PHF21B: variants seen among roughly 807,000 people sequenced by gnomAD.
PHF21B encodes PHD finger protein 4.
PHF21B carries 22 observed loss-of-function variants against 62.2 expected under a neutral mutation model. The ratio of observed to expected loss-of-function variants is 0.35; its 90% CI spans 0.25 to 0.51. The LOEUF is 0.51. Ranked by LOEUF, PHF21B falls within the 20% of genes least tolerant of loss-of-function variation. PHF21B has a pLI of 0.97. For synonymous variants in PHF21B, 341 were observed against 314.7 expected, an observed-to-expected ratio of 1.08 and a Z score of -0.88; for missense variants, 701 against 707.9, an observed-to-expected ratio of 0.99 and a Z score of 0.11.
In PHF21B at chr22:44,885,530, C is replaced by A. The variant is rs764162771; in HGVS notation, c.1274-1G>T. On this transcript the variant is annotated splice_acceptor_variant, in intron 11 of 12. Coordinates refer to ENST00000313237, the MANE Select transcript of PHF21B (RefSeq NM_138415.5). LOFTEE classifies it high-confidence loss of function. Reference sequence around the variant, plus strand: ...AGCTTCTGCTTCTCCTCTTCTTTGACTAGAAAAGAGAAGGCCAGGTCCCTG... The same window carrying A: ...AGCTTCTGCTTCTCCTCTTCTTTGAATAGAAAAGAGAAGGCCAGGTCCCTG... The A allele has an allele frequency of 1.3e-6, 2 of 1,588,570 alleles. No individual in the cohort carries two copies. Among genetic ancestry groups the A allele is most frequent in the Admixed American group, 3.6e-5 (2 of 56,024 alleles).
chr22:44,994,558 C>T (rs1388974488), intron 2 of PHF21B, among the ~76,000 whole-genome samples: 3 of 152,226 alleles, frequency 2.0e-5, no homozygotes, highest in African/African-American at 4.8e-5. Flanking sequence ...TGCTATTTTA[C>T]GCTGCCCAGC....
intron 6 of PHF21B, among the ~76,000 whole-genome samples, chr22:44,893,823 T>C (rs1036546096): frequency 1.3e-5 from 2 of 152,210 alleles, no homozygotes; most frequent in African/African-American, 4.8e-5. Flanking sequence ...TTTGTGTCCC[T>C]ATCTGGCCCA....
At chr22:44,889,672 T>A in intron 9 of PHF21B, 88 bp downstream of exon 9, 2 of 1,476,048 alleles carry the variant, frequency 1.4e-6, no homozygotes, top group South Asian at 2.7e-5. Flanking sequence ...CCGGGCTCTT[T>A]CCCTCTTTCC....
At chr22:44,952,029 C>T (rs1040600584) in intron 2 of PHF21B, among the ~76,000 whole-genome samples, 4 of 152,288 alleles carry the variant, frequency 2.6e-5, no homozygotes, top group Admixed American at 6.5e-5. Context: ...GTGCTCACTG[C>T]GTGTTATGTA....
chr22:44,999,944 C>T (rs1226227197), intron 2 of PHF21B, among the ~76,000 whole-genome samples: 1 of 152,168 alleles, frequency 6.6e-6, no homozygotes, highest in Non-Finnish European at 1.5e-5. Context: ...TAATGCACCA[C>T]TCACTAATCC....
chr22:45,000,777 C>T (rs1413304115), intron 2 of PHF21B: 1 of 152,128 alleles, frequency 6.6e-6, no homozygotes, highest in Non-Finnish European at 1.5e-5. Flanking sequence ...CCAGCGGGGA[C>T]AAGCAACAAG....
At chr22:44,900,316 A>T (rs534537817) in intron 5 of PHF21B, among the ~76,000 whole-genome samples, 1 of 152,260 alleles carries the variant, frequency 6.6e-6, no homozygotes, top group African/African-American at 2.4e-5. Context: ...TGAGCTCTCC[A>T]AAGATTTACA....
intron 5 of PHF21B, among the ~76,000 whole-genome samples, chr22:44,896,880 G>GTTTTTTTTTTTT (rs56878868): frequency 0.017 from 1,459 of 83,768 alleles, 169 homozygotes; most frequent in African/African-American, 0.034. Context: ...AGTTTTATCT[G>GTTTTTTTTTTTT]TTTTTTTTTT....
chr22:44,935,768 C>T (rs2071833982), intron 2 of PHF21B, among the ~76,000 whole-genome samples: 1 of 152,356 alleles, frequency 6.6e-6, no homozygotes, highest in South Asian at 2.1e-4. Context: ...CCTCAGTTTC[C>T]TCATCTGTAA....
chr22:44,907,439 G>C (rs1165520637), intron 5 of PHF21B, among the ~76,000 whole-genome samples: 1 of 152,224 alleles, frequency 6.6e-6, no homozygotes, highest in African/African-American at 2.4e-5. Context: ...GAACAGGCCA[G>C]CCGTGTTCAG....
At chr22:44,898,259 T>A (rs958508541) in intron 5 of PHF21B, among the ~76,000 whole-genome samples, 6 of 152,182 alleles carry the variant, frequency 3.9e-5, no homozygotes, top group African/African-American at 1.4e-4. Flanking sequence ...CCACCCTCAA[T>A]TGGGATTTGT....
rs2071386364 is a variant in PHF21B at position 44,913,834 on chromosome 22, C to T, written c.819G>A (p.Gln273=). The T allele has an allele frequency of 3.1e-6, 5 of 1,613,410 alleles. No individual in the cohort carries two copies. In the East Asian group the frequency reaches 1.1e-4, roughly 36 times the overall value. The part of the protein sequence containing the change: ...KKKKEDRPPT[Q]ENPEKIAFMV... ...AGGCCTGTCCTACCTCGGGGTTCTCCTGGGTCGGGGGCCGGTCTTCCTTCT... is the reference window on the plus strand; with the variant it reads ...AGGCCTGTCCTACCTCGGGGTTCTCTTGGGTCGGGGGCCGGTCTTCCTTCT... Residue 273 remains glutamine (Q), a synonymous_variant, in exon 5 of 13, where the codon CAG becomes CAA. Transcript: ENST00000313237.
rs2070737127 is a variant in PHF21B at position 44,881,224 on chromosome 22, GACAA to G, written c.*1858_*1861del. 6.6e-6 allele frequency: 1 copy of G among 152,642 alleles called. No individual in the cohort carries two copies. Among genetic ancestry groups the G allele is most frequent in the African/African-American group, 2.4e-5 (1 of 41,444 alleles). The allele number at this position is 152,642 out of a possible 1,614,324, so 9.5% of individuals were successfully genotyped here. ...AGGAAAACTACATTGGCGTATTTAA[GACAA>G]ACACTTTTTCTCTATCCTCACTACC... On this transcript the variant is annotated 3_prime_UTR_variant, in exon 13 of 13. Coordinates refer to ENST00000313237, the MANE Select transcript of PHF21B (RefSeq NM_138415.5).
At chr22:44,953,960 G>A (rs1282741242) in intron 2 of PHF21B, among the ~76,000 whole-genome samples, 1 of 152,192 alleles carries the variant, frequency 6.6e-6, no homozygotes, top group African/African-American at 2.4e-5. Context: ...GCCCTGAAAG[G>A]CAGCTCAGCG....
At chr22:44,966,941 A>G (rs1424932895) in intron 2 of PHF21B, 1 of 152,086 alleles carries the variant, frequency 6.6e-6, no homozygotes, top group Non-Finnish European at 1.5e-5. Flanking sequence ...CCAACTTGCA[A>G]TCTCCCCCAG....
intron 1 of PHF21B, 178 bp from the exon 2 acceptor site, chr22:45,008,788 G>C: frequency 8.6e-7 from 1 of 1,163,720 alleles, no homozygotes. Flanking sequence ...GCGCGGGGCC[G>C]CTTACCTGTG....
At chr22:44,934,017 C>T (rs1361592711) in intron 2 of PHF21B, among the ~76,000 whole-genome samples, 1 of 152,184 alleles carries the variant, frequency 6.6e-6, no homozygotes, top group African/African-American at 2.4e-5. Context: ...TGAAAACTAA[C>T]AAGAAAATAT....
At chr22:44,990,652 GC>G (rs1291911757) in intron 2 of PHF21B, among the ~76,000 whole-genome samples, 1 of 152,218 alleles carries the variant, frequency 6.6e-6, no homozygotes, top group African/African-American at 2.4e-5. Context: ...TAAGTAAGAT[GC>G]CGGCTACCAG....
At chr22:44,890,531 C>T (rs1405526162) in intron 8 of PHF21B, among the ~76,000 whole-genome samples, 2 of 152,238 alleles carry the variant, frequency 1.3e-5, no homozygotes, top group Non-Finnish European at 2.9e-5. Flanking sequence ...TATGGGCCCA[C>T]TTTCCAGATC....
Sources: allele counts gnomAD v4.1 joint callset (sites outside exome capture counted in the v4.1 genomes callset), GRCh38; gene constraint gnomAD v4.1.1; transcripts MANE v1.5; gene names NCBI Gene and HGNC (gene_info 2026-07-23, HGNC 2026-07-21).